The following FIRRM variants were observed in gnomAD, a reference collection of about 807,000 sequenced individuals.
FIRRM encodes the protein FIGNL1 interacting regulator of recombination and mitosis.
chr1:169,821,642 T>C, the FIRRM span: 1 of 1,424,988 alleles, frequency 7.0e-7, no homozygotes, highest in Non-Finnish European at 9.6e-7. Flanking sequence ...ATTCTTTTCT[T>C]ATTTATTATG....
At chr1:169,853,080 A>G in the FIRRM span, 11 of 1,212,252 alleles carry the variant, frequency 9.1e-6, no homozygotes, top group East Asian at 2.2e-4. Context: ...CAAATTTTGT[A>G]AAGTTGAATC....
the FIRRM span, among the ~76,000 whole-genome samples, chr1:169,786,932 T>C: frequency 6.6e-6 from 1 of 152,176 alleles, no homozygotes; most frequent in East Asian, 1.9e-4. Context: ...CTGGGACCAG[T>C]AGTAGAACTT....
chr1:169,813,827 T>G, the FIRRM span, among the ~76,000 whole-genome samples: 2 of 152,204 alleles, frequency 1.3e-5, no homozygotes, highest in Non-Finnish European at 2.9e-5. Flanking sequence ...TTGCACTAGT[T>G]TCTTTCAGTA....
At chr1:169,853,653 G>A in the FIRRM span, 3 of 1,568,536 alleles carry the variant, frequency 1.9e-6, no homozygotes, top group East Asian at 2.2e-5. Context: ...TGCTTTTGAG[G>A]TATTGATTTT....
At chr1:169,819,087 G>T in the FIRRM span, among the ~76,000 whole-genome samples, 1 of 152,234 alleles carries the variant, frequency 6.6e-6, no homozygotes, top group African/African-American at 2.4e-5. Context: ...AGCAGGCACA[G>T]TTGGAACGCA....
the FIRRM span, chr1:169,842,489 G>A: frequency 3.7e-6 from 6 of 1,613,628 alleles, no homozygotes; most frequent in African/African-American, 6.7e-5. Flanking sequence ...AAAACAAACT[G>A]CAATTATCGA....
the FIRRM span, among the ~76,000 whole-genome samples, chr1:169,845,687 C>CTTCCA: frequency 0.7 from 106,242 of 151,438 alleles, 37,440 homozygotes; most frequent in Middle Eastern, 0.85. Context: ...AGCAACTCCT[C>CTTCCA]TTCAAGTTTG....
chr1:169,795,206 G>C, the FIRRM span: 1 of 1,535,920 alleles, frequency 6.5e-7, no homozygotes, highest in Non-Finnish European at 8.7e-7. Context: ...GTCCTGCCCC[G>C]ACTCCTCATA....
chr1:169,803,777 G>A, the FIRRM span, among the ~76,000 whole-genome samples: 3 of 152,124 alleles, frequency 2.0e-5, no homozygotes, highest in African/African-American at 7.2e-5. Context: ...TTTGTTGGGC[G>A]AATGAAAATC....
At chr1:169,833,569 C>T in the FIRRM span, among the ~76,000 whole-genome samples, 4 of 152,102 alleles carry the variant, frequency 2.6e-5, no homozygotes, top group Non-Finnish European at 5.9e-5. Flanking sequence ...CAGGATAGTG[C>T]TGGGTTTAAG....
At chr1:169,797,360 A>G in the FIRRM span, among the ~76,000 whole-genome samples, 1 of 152,356 alleles carries the variant, frequency 6.6e-6, no homozygotes, top group South Asian at 2.1e-4. Flanking sequence ...ATGTCTGCAT[A>G]ATCATAACTG....
the FIRRM span, among the ~76,000 whole-genome samples, chr1:169,811,574 G>C: frequency 6.6e-6 from 1 of 152,120 alleles, no homozygotes; most frequent in Admixed American, 6.5e-5. Flanking sequence ...AGGATGCATT[G>C]AGCCCAGGAG....
At chr1:169,831,053 G>A in the FIRRM span, among the ~76,000 whole-genome samples, 2 of 152,090 alleles carry the variant, frequency 1.3e-5, no homozygotes, top group South Asian at 2.1e-4. Flanking sequence ...AAATAAGAGC[G>A]ACTTATAATT....
At chr1:169,847,736 A>C in the FIRRM span, 6 of 1,613,664 alleles carry the variant, frequency 3.7e-6, no homozygotes, top group Non-Finnish European at 5.1e-6. Flanking sequence ...CTTCCTGACT[A>C]TGTTCGTTTG....
the FIRRM span, among the ~76,000 whole-genome samples, chr1:169,831,941 G>A: frequency 6.6e-6 from 1 of 152,054 alleles, no homozygotes; most frequent in African/African-American, 2.4e-5. Flanking sequence ...AACTTTTTGT[G>A]GATATGGAGT....
the FIRRM span, among the ~76,000 whole-genome samples, chr1:169,807,547 G>A: frequency 6.6e-6 from 1 of 152,118 alleles, no homozygotes; most frequent in Non-Finnish European, 1.5e-5. Flanking sequence ...TCCAGGGCCT[G>A]GTAGAATGCC....
the FIRRM span, among the ~76,000 whole-genome samples, chr1:169,789,367 GAC>G: frequency 2.0e-5 from 3 of 152,168 alleles, no homozygotes; most frequent in South Asian, 6.2e-4. Flanking sequence ...ATGAAACGCT[GAC>G]ACTTATCCAC....
the FIRRM span, among the ~76,000 whole-genome samples, chr1:169,839,990 T>C: frequency 0.067 from 10,132 of 152,280 alleles, 433 homozygotes; most frequent in Non-Finnish European, 0.099. Context: ...GAGTCCTTTC[T>C]CTGTTGCTTG....
At chr1:169,845,072 C>T in the FIRRM span, among the ~76,000 whole-genome samples, 2 of 152,124 alleles carry the variant, frequency 1.3e-5, no homozygotes, top group Admixed American at 6.5e-5. Context: ...TAATGAACTT[C>T]TCTCAATAGA....
Sources: allele counts gnomAD v4.1 joint callset (sites outside exome capture counted in the v4.1 genomes callset), GRCh38; gene constraint gnomAD v4.1.1; transcripts MANE v1.5; gene names NCBI Gene and HGNC (gene_info 2026-07-23, HGNC 2026-07-21).